The following MUC4 variants were observed in gnomAD, a reference collection of about 807,000 sequenced individuals.
The protein encoded by MUC4 is mucin 4, cell surface associated, also known as mucin-4.
MUC4 carries 202 observed loss-of-function variants against 257.9 expected under a neutral mutation model. The ratio of observed to expected loss-of-function variants is 0.78; its 90% CI spans 0.70 to 0.88. The LOEUF is 0.88. Ranked by LOEUF, MUC4 falls within the 40% of genes least tolerant of loss-of-function variation. MUC4 has a pLI of 0.00. For missense variants in MUC4, 5,976 were observed against 6,513.7 expected (o/e 0.92, Z 2.84); for synonymous variants, 2,351 against 2,757.1 (o/e 0.85, Z 4.62).
chr3:195,774,418 C>A, intron 3 of MUC4, 113 bp from the exon 4 acceptor site: 2 of 1,325,190 alleles, frequency 1.5e-6, no homozygotes, highest in South Asian at 2.0e-5. Context: ...CTGTGTTCCC[C>A]GAGGGCCCCA....
At chr3:195,775,263 C>T (rs960798112) in intron 3 of MUC4, among the ~76,000 whole-genome samples, 1 of 152,070 alleles carries the variant, frequency 6.6e-6, no homozygotes, top group Non-Finnish European at 1.5e-5. Flanking sequence ...ACAGGATTCC[C>T]CGCATGCCGG....
rs749198415 is a variant in MUC4, at chr3:195,779,658, A to AATGT, written c.11921_11922insACAT (p.Ser3975HisfsTer72). 1 of 982,868 alleles carries AATGT rather than the reference A, an allele frequency of 1.0e-6. No individual in the cohort carries two copies. Among genetic ancestry groups the AATGT allele is most frequent in the African/African-American group, 2.5e-5 (1 of 40,038 alleles). The allele number at this position is 982,868 out of a possible 1,614,324, so 60.9% of individuals were successfully genotyped here. On this transcript the variant is annotated frameshift_variant, in exon 2 of 25. Coordinates refer to ENST00000463781, the MANE Select transcript of MUC4 (RefSeq NM_018406.7). LOFTEE classifies it high-confidence loss of function. ...TGGCGTGACCTGTGGATGCTGAGGA[A>AATGT]CGGCTGGTGACAGGAAGAGAGGTGG...
intron 1 of MUC4, among the ~76,000 whole-genome samples, chr3:195,792,890 C>A (rs1275834609): frequency 6.6e-6 from 1 of 152,114 alleles, no homozygotes; most frequent in Non-Finnish European, 1.5e-5. Flanking sequence ...GAACAGAAAA[C>A]CAAACACTGC....
chr3:195,785,310 G>C lies in MUC4; in HGVS notation c.6270C>G (p.Ser2090=). The C allele has an allele frequency of 3.0e-5, 39 of 1,292,674 alleles. 15 individuals carry two copies. The highest frequency in any genetic ancestry group is 3.5e-5 in the African/African-American group (2 of 56,560). 80.1% of individuals were successfully genotyped at this position (1,292,674 alleles called of 1,614,324 possible). ...CAAGAAGAGAGGTGGCGTGACCTGT[G>C]GATATTGAGGAAGCGTCGGTGACAA... The part of the protein sequence containing the change: ...PLLVTDASSI[S]TGHATSLLVT... The change falls in exon 2 of 25, where the codon TCC becomes TCG. Residue 2090 remains serine (S), a synonymous_variant. Coordinates refer to ENST00000463781, the MANE Select transcript of MUC4 (RefSeq NM_018406.7).
chr3:195,790,921 G>A lies in MUC4; in HGVS notation c.659C>T (p.Ser220Leu). The part of the protein sequence containing the change: ...QTSTLTHRTT[S>L]TPSFSPSVHN... Reference sequence around the variant, plus strand: ...TACACTTGGAGAGAAAGAAGGAGTTGAAGTGGTTCTGTGTGTTAGGGTGCT... The same window carrying A: ...TACACTTGGAGAGAAAGAAGGAGTTAAAGTGGTTCTGTGTGTTAGGGTGCT... The change falls in exon 2 of 25, where the codon TCA becomes TTA. Residue 220 changes from serine to leucine, a missense_variant. This residue lies in a region of MUC4 where 1,583 missense variants were observed against 1,257.4 expected (regional missense o/e 1.26). Transcript: ENST00000463781. 6.2e-7 allele frequency: 1 copy of A among 1,614,022 alleles called. No homozygotes were observed. The highest frequency in any genetic ancestry group is 8.5e-7 in the Non-Finnish European group (1 of 1,179,890).
chr3:195,811,692 A>T, intron 1 of MUC4, 44 bp downstream of exon 1: 2 of 1,588,046 alleles, frequency 1.3e-6, no homozygotes, highest in South Asian at 2.2e-5. Context: ...ACCTCCCCCA[A>T]GTGCTCCCCG....
chr3:195,763,288 G>T, intron 12 of MUC4, 145 bp downstream of exon 12: 1 of 850,684 alleles, frequency 1.2e-6, no homozygotes, highest in Non-Finnish European at 1.7e-6. Context: ...GATTTACTCC[G>T]GGACAGCTGC....
chr3:195,798,658 T>G (rs975930976), intron 1 of MUC4, among the ~76,000 whole-genome samples: 5 of 151,984 alleles, frequency 3.3e-5, no homozygotes, highest in Admixed American at 1.3e-4. Context: ...GAGCCGAGAT[T>G]GCACCACTGC....
At position 195,751,241 on chromosome 3, in the gene MUC4, G is replaced by A. The variant is rs780841763; in HGVS notation, c.15613C>T (p.Arg5205Trp). 31 of 1,607,258 alleles carry A rather than the reference G, an allele frequency of 1.9e-5. No homozygotes were observed. The East Asian group carries it at 2.7e-4, about 14-fold the overall frequency. The part of the protein sequence containing the change: ...VAYRLGTLDM[R>W]AFLRNSQVER... Reference sequence around the variant, plus strand: ...ACTTGGCTGTTGCGGAGAAAGGCCCGCATGTCCAGGGTCCCCAGTCTGTAT... The same window carrying A: ...ACTTGGCTGTTGCGGAGAAAGGCCCACATGTCCAGGGTCCCCAGTCTGTAT... The change falls in exon 22 of 25, where the codon CGG becomes TGG. Residue 5205 changes from arginine to tryptophan, a missense_variant. This residue lies in a region of MUC4 where 996 missense variants were observed against 1,137.3 expected (regional missense o/e 0.88). Transcript: ENST00000463781.
chr3:195,766,335 C>T (rs896499383), intron 8 of MUC4, among the ~76,000 whole-genome samples: 1 of 152,146 alleles, frequency 6.6e-6, no homozygotes. Context: ...ATTGTCTGAA[C>T]TGCCCATTCA....
chr3:195,763,478 G>A lies in MUC4; in HGVS notation c.14208C>T (p.Ile4736=), dbSNP rs768887686. 26 of 1,506,302 alleles carry A rather than the reference G, an allele frequency of 1.7e-5. No individual in the cohort carries two copies. Among genetic ancestry groups the A allele is most frequent in the Admixed American group, 6.5e-5 (3 of 46,196 alleles). 93.3% of individuals were successfully genotyped at this position (1,506,302 alleles called of 1,614,324 possible). A position where few individuals can be genotyped will look rare whatever the true frequency, so the allele number is the denominator to read the frequency against. The change falls in exon 12 of 25, where the codon ATC becomes ATT. Residue 4736 remains isoleucine, a synonymous_variant. Coordinates refer to ENST00000463781, the MANE Select transcript of MUC4 (RefSeq NM_018406.7). ...QTGSAQATNF[I]AFAAQYRSSS... Reference sequence around the variant, plus strand: ...TGGAGCGGTACTGAGCCGCAAAGGCGATGAAGTTGGTGGCCTGGGCTGAGC... The same window carrying A: ...TGGAGCGGTACTGAGCCGCAAAGGCAATGAAGTTGGTGGCCTGGGCTGAGC...
rs527606179 is a variant in MUC4 at position 195,762,117 on chromosome 3, C to T, written c.14482G>A (p.Glu4828Lys). 2 of 1,606,486 alleles carry T rather than the reference C, an allele frequency of 1.2e-6. No homozygotes were observed. Among genetic ancestry groups the T allele is most frequent in the East Asian group, 4.5e-5 (2 of 44,718 alleles). ...ILHASASLPP[E>K]YQNRTEGLLG... ...AGCCCCTCCGTGCGGTTCTGGTACT[C>T]GGGCGGGAGGCTGGCGGAGGCGTGG... The change falls in exon 14 of 25, where the codon GAG becomes AAG. Residue 4828 changes from glutamate (E) to lysine (K), a missense_variant. By Grantham distance (56) the Glu-to-Lys change is moderately conservative. Coordinates refer to ENST00000463781, the MANE Select transcript of MUC4 (RefSeq NM_018406.7).
intron 5 of MUC4, among the ~76,000 whole-genome samples, chr3:195,771,340 G>A (rs1722834972): frequency 6.9e-6 from 1 of 145,352 alleles, no homozygotes; most frequent in African/African-American, 2.6e-5. Flanking sequence ...CTCGTGGTTG[G>A]GTTGGGGTAT....
Position 195,764,350 on chromosome 3 carries a change from C to T in MUC4, c.13925-186G>A, listed in dbSNP as rs546630239. ...TGGTGGAGAGCTTGGTAGGGCAGGG[C>T]GGTGTTGGTGGCAAGAGCATGGCTT... is the stretch of plus-strand genomic sequence containing the variant. On this transcript the variant is annotated intron_variant, in intron 10 of 24. Coordinates refer to ENST00000463781, the MANE Select transcript of MUC4 (RefSeq NM_018406.7). 5.3e-5 allele frequency among the ~76,000 whole-genome samples: 8 copies of T among 150,954 alleles called. No homozygotes were observed. In the South Asian group the frequency reaches 6.3e-4, roughly 12 times the overall value.
At position 195,764,131 on chromosome 3, in the gene MUC4, C is replaced by G; in HGVS notation, c.13958G>C (p.Arg4653Pro). ...QELEPQSWCC[R>P]WNDKPYLCAL... ...ACAGAGGTAGGGCTTGTCATTCCAG[C>G]GGCAGCACCAGCTCTGTGGCTCCAG... The change falls in exon 11 of 25, where the codon CGC becomes CCC. Residue 4653 changes from arginine to proline, a missense_variant. Transcript: ENST00000463781. The G allele has an allele frequency of 6.3e-7, 1 of 1,587,930 alleles. No homozygotes were observed. The highest frequency in any genetic ancestry group is 1.1e-5 in the South Asian group (1 of 87,242).
intron 8 of MUC4, among the ~76,000 whole-genome samples, chr3:195,765,791 G>A (rs1186609575): frequency 6.6e-6 from 1 of 152,208 alleles, no homozygotes; most frequent in Non-Finnish European, 1.5e-5. Flanking sequence ...TCATGGAGAA[G>A]GCGCCATTGT....
chr3:195,781,237 G>T lies in MUC4; in HGVS notation c.10343C>A (p.Ser3448Ter). Residue 3448 changes from serine to a stop codon, truncating the protein, a stop_gained, in exon 2 of 25, where the codon TCA (serine) becomes TAA (stop). Coordinates refer to ENST00000463781, the MANE Select transcript of MUC4 (RefSeq NM_018406.7). LOFTEE classifies it high-confidence loss of function. Reference protein sequence around the residue: ...ATPVPVTSTSSASTGHTTPLP... With the variant: ...ATPVPVTSTS ...AGGGGTGGTGTGACCTGTAGATGCT[G>T]AGGAAGTGCTGGTGACAGGAACAGG... 1.7e-6 allele frequency: 2 copies of T among 1,169,506 alleles called. No homozygotes were observed. The highest frequency in any genetic ancestry group is 3.1e-5 in the South Asian group (2 of 63,806). The allele number at this position is 1,169,506 out of a possible 1,614,324, so 72.4% of individuals were successfully genotyped here.
In MUC4 at chr3:195,783,860, C is replaced by CATGACCT. The variant is rs1560347564; in HGVS notation, c.7719_7720insAGGTCAT (p.Ala2574ArgfsTer18). Reference sequence around the variant, plus strand: ...GTGCTGGTGACAGGAAGAGGGGTGGCGTGACCTGTGGATGCTGCGGAAGTG... The same window carrying CATGACCT: ...GTGCTGGTGACAGGAAGAGGGGTGGCATGACCTGTGACCTGTGGATGCTGCGGAAGTG... On this transcript the variant is annotated frameshift_variant, in exon 2 of 25. Coordinates refer to ENST00000463781, the MANE Select transcript of MUC4 (RefSeq NM_018406.7). LOFTEE classifies it high-confidence loss of function. 1 of 1,428,238 alleles carries CATGACCT rather than the reference C, an allele frequency of 7.0e-7. No individual in the cohort carries two copies. The highest frequency in any genetic ancestry group is 2.2e-5 in the Admixed American group (1 of 44,754). The allele number at this position is 1,428,238 out of a possible 1,614,324, so 88.5% of individuals were successfully genotyped here.
intron 1 of MUC4, among the ~76,000 whole-genome samples, chr3:195,808,963 C>T (rs530384707): frequency 1.8e-4 from 28 of 152,298 alleles, no homozygotes; most frequent in African/African-American, 6.0e-4. Flanking sequence ...CGTCCCCTCC[C>T]CTGCCTGCCC....
Sources: allele counts gnomAD v4.1 joint callset (sites outside exome capture counted in the v4.1 genomes callset), GRCh38; gene constraint gnomAD v4.1.1; regional missense constraint gnomAD v4.1.1; transcripts MANE v1.5; gene names NCBI Gene and HGNC (gene_info 2026-07-23, HGNC 2026-07-21).